The following CRCP variants were observed in gnomAD, a reference collection of about 807,000 sequenced individuals.
CRCP encodes CGRP receptor component.
Under a neutral mutation model 18.5 loss-of-function variants are expected in CRCP, and 18 were observed. That is an observed-to-expected ratio of 0.97 (90% CI 0.67 to 1.44). CRCP has a LOEUF of 1.44. CRCP is among the 40% of genes most tolerant of loss of function. The pLI is 0.00. For missense variants in CRCP, 130 were observed against 176.4 expected (o/e 0.74, Z 1.49); for synonymous variants, 53 against 62.9 (o/e 0.84, Z 0.75).
chr7:66,122,867 G>A (rs1173732687), intron 1 of CRCP, among the ~76,000 whole-genome samples: 1 of 151,826 alleles, frequency 6.6e-6, no homozygotes, highest in African/African-American at 2.4e-5. Context: ...CAAGTCCCTG[G>A]ACTTTTTTCT....
intron 1 of CRCP, among the ~76,000 whole-genome samples, chr7:66,121,705 G>A (rs1239780572): frequency 5.9e-5 from 9 of 152,062 alleles, no homozygotes; most frequent in Admixed American, 5.9e-4. Context: ...TTATATGGCT[G>A]GAAAAGTTTG....
intron 4 of CRCP, 63 bp from the exon 5 acceptor site, chr7:66,145,380 G>A: frequency 6.5e-7 from 1 of 1,528,080 alleles, no homozygotes. Context: ...TCTCTGTGCA[G>A]CTCAGTCAGG....
At chr7:66,134,854 A>G (rs1787925428) in intron 4 of CRCP, among the ~76,000 whole-genome samples, 1 of 152,154 alleles carries the variant, frequency 6.6e-6, no homozygotes, top group East Asian at 1.9e-4. Flanking sequence ...TTATAGCACC[A>G]TGACCTTGGA....
In CRCP at chr7:66,149,734, A is replaced by G. The variant is rs552670539; in HGVS notation, c.298-2474A>G. ...AAATATAAACAAAAAAGAAACTTTCAGAAATAAAAAACTTACTAGCACGTC... is the reference window on the plus strand; with the variant it reads ...AAATATAAACAAAAAAGAAACTTTCGGAAATAAAAAACTTACTAGCACGTC... On this transcript the variant is annotated intron_variant, in intron 5 of 5. Coordinates refer to ENST00000395326, the MANE Select transcript of CRCP (RefSeq NM_014478.5). Among the ~76,000 whole-genome samples the G allele has an allele frequency of 2.0e-5, 3 of 152,312 alleles. No homozygotes were observed. The East Asian group carries it at 5.8e-4, about 29-fold the overall frequency.
intron 1 of CRCP, among the ~76,000 whole-genome samples, chr7:66,123,577 C>A (rs1017535975): frequency 6.6e-6 from 1 of 151,832 alleles, no homozygotes; most frequent in African/African-American, 2.4e-5. Context: ...GGAGAAACCC[C>A]GTCTCTACTA....
chr7:66,129,651 G>A (rs2115924065), intron 2 of CRCP, among the ~76,000 whole-genome samples: 1 of 149,110 alleles, frequency 6.7e-6, no homozygotes, highest in East Asian at 2.0e-4. Context: ...TTAAGTGGTT[G>A]CAGCTTAGAA....
At chr7:66,132,717 C>G (rs1787845119) in intron 3 of CRCP, among the ~76,000 whole-genome samples, 1 of 151,914 alleles carries the variant, frequency 6.6e-6, no homozygotes, top group Non-Finnish European at 1.5e-5. Context: ...AGATCGAGAC[C>G]ACGGTGAAAC....
intron 3 of CRCP, among the ~76,000 whole-genome samples, chr7:66,132,719 C>T (rs543194404): frequency 5.9e-5 from 9 of 151,654 alleles, no homozygotes; most frequent in Admixed American, 1.3e-4. Context: ...ATCGAGACCA[C>T]GGTGAAACCC....
intron 4 of CRCP, among the ~76,000 whole-genome samples, chr7:66,137,272 A>G (rs950678528): frequency 1.3e-5 from 2 of 152,108 alleles, no homozygotes; most frequent in African/African-American, 4.8e-5. Flanking sequence ...TTGATTGCTG[A>G]TATAGAAGTA....
At chr7:66,132,506 T>A (rs1373895724) in intron 3 of CRCP, among the ~76,000 whole-genome samples, 1 of 152,112 alleles carries the variant, frequency 6.6e-6, no homozygotes, top group Non-Finnish European at 1.5e-5. Context: ...TTTCTGGGGG[T>A]ACATGATATT....
intron 5 of CRCP, among the ~76,000 whole-genome samples, chr7:66,151,621 A>C (rs977869045): frequency 4.0e-5 from 6 of 151,784 alleles, no homozygotes; most frequent in African/African-American, 1.5e-4. Flanking sequence ...AAGTACATAA[A>C]GTGCCATTTA....
Position 66,134,337 on chromosome 7 carries a change from G to T in CRCP, c.202G>T (p.Glu68Ter). The change falls in exon 4 of 6, where the codon GAA becomes TAA. Residue 68 changes from glutamate to a stop codon, truncating the protein, a stop_gained. Coordinates refer to ENST00000395326, the MANE Select transcript of CRCP (RefSeq NM_014478.5). LOFTEE classifies it high-confidence loss of function. ...GCACCAGAGTCCTGAAATTGTCAGA[G>T]AATTTCTCACAGCATTGAAAAGCCA... is the stretch of plus-strand genomic sequence containing the variant. The part of the protein sequence containing the change: ...CRHQSPEIVR[E>*]FLTALKSHKL... 6.2e-7 allele frequency: 1 copy of T among 1,609,576 alleles called. No individual in the cohort carries two copies. Among genetic ancestry groups the T allele is most frequent in the Non-Finnish European group, 8.5e-7 (1 of 1,178,558 alleles).
At chr7:66,138,171 T>C (rs1444948356) in intron 4 of CRCP, among the ~76,000 whole-genome samples, 1 of 152,160 alleles carries the variant, frequency 6.6e-6, no homozygotes, top group Non-Finnish European at 1.5e-5. Context: ...TTTCACTGGG[T>C]TGATTGATCT....
intron 3 of CRCP, among the ~76,000 whole-genome samples, chr7:66,132,427 T>C (rs183031604): frequency 6.6e-6 from 1 of 152,350 alleles, no homozygotes; most frequent in East Asian, 1.9e-4. Context: ...TGTTTTATTA[T>C]GATTACACAA....
rs1205974444 is a variant in CRCP, at chr7:66,154,403, T to TC, written c.*2047dup. ...TATTGGCCAGGCTAGTCGTAATGTC[T>TC]CTTTTTAACACTGAATATGTTAGGT... On this transcript the variant is annotated 3_prime_UTR_variant, in exon 6 of 6. Coordinates refer to ENST00000395326, the MANE Select transcript of CRCP (RefSeq NM_014478.5). 1 of 151,938 alleles carries TC rather than the reference T, an allele frequency of 6.6e-6. No homozygotes were observed. Among genetic ancestry groups the TC allele is most frequent in the East Asian group, 1.9e-4 (1 of 5,144 alleles). The allele number at this position is 151,938 out of a possible 1,614,324, so 9.4% of individuals were successfully genotyped here.
At chr7:66,132,306 A>C (rs1201361652) in intron 3 of CRCP, among the ~76,000 whole-genome samples, 2 of 152,196 alleles carry the variant, frequency 1.3e-5, no homozygotes, top group African/African-American at 4.8e-5. Context: ...ACATGTCCCC[A>C]TAATGTCATT....
At chr7:66,116,887 G>A (rs1787281398) in intron 1 of CRCP, among the ~76,000 whole-genome samples, 1 of 152,052 alleles carries the variant, frequency 6.6e-6, no homozygotes. Flanking sequence ...TTAGGAGGCC[G>A]AAGTGGGCGA....
chr7:66,137,668 A>G (rs899330577), intron 4 of CRCP, among the ~76,000 whole-genome samples: 1 of 152,252 alleles, frequency 6.6e-6, no homozygotes, highest in Non-Finnish European at 1.5e-5. Flanking sequence ...TTCTATATCT[A>G]TAAAGCTAAA....
At chr7:66,145,072 C>T (rs928608459) in intron 4 of CRCP, among the ~76,000 whole-genome samples, 2 of 152,134 alleles carry the variant, frequency 1.3e-5, no homozygotes, top group African/African-American at 2.4e-5. Flanking sequence ...AGAAGAATCA[C>T]TTGAACCCTG....
Sources: gnomAD v4.1 joint callset for allele counts (sites outside exome capture counted in the v4.1 genomes callset) on GRCh38, gnomAD v4.1.1 for gene constraint, MANE v1.5 for transcripts, NCBI Gene and HGNC (gene_info 2026-07-23, HGNC 2026-07-21) for gene names.